The following PTK2 variants were observed in gnomAD, a reference collection of about 807,000 sequenced individuals.
PTK2 encodes the protein protein tyrosine kinase 2.
A neutral mutation model predicts 150.1 loss-of-function variants in PTK2; 45 were observed. That is an observed-to-expected ratio of 0.30 (90% CI 0.24 to 0.38). The LOEUF (loss-of-function observed/expected upper bound fraction) is 0.38, where lower values mean the gene tolerates loss of function less well. Ranked by LOEUF, PTK2 falls within the 10% of genes least tolerant of loss-of-function variation. The probability of loss-of-function intolerance (pLI) is 1.00; values close to 1 mark genes in which losing one functional copy is unlikely to be tolerated. For synonymous variants in PTK2, 432 were observed against 449.2 expected (o/e 0.96, Z 0.48); for missense variants, 919 against 1,307.3 (o/e 0.70, Z 4.58).
intron 4 of PTK2, among the ~76,000 whole-genome samples, chr8:140,877,380 A>T (rs573241821): frequency 3.3e-5 from 5 of 152,276 alleles, no homozygotes; most frequent in African/African-American, 1.2e-4. Flanking sequence ...AGAGTATTTA[A>T]GACAACATTA....
chr8:140,803,326 T>C (rs1332230078), intron 11 of PTK2, among the ~76,000 whole-genome samples: 1 of 152,128 alleles, frequency 6.6e-6, no homozygotes, highest in Non-Finnish European at 1.5e-5. Context: ...ATCATTATCT[T>C]TACAATAACG....
At chr8:140,769,535 TATCTC>T in intron 14 of PTK2, 35 bp downstream of exon 16, 1 of 1,272,654 alleles carries the variant, frequency 7.9e-7, no homozygotes, top group South Asian at 1.2e-5. Context: ...CATAAATAAT[TATCTC>T]ATAGCAGTAA....
chr8:140,689,608 T>A (rs969628698), intron 26 of PTK2, among the ~76,000 whole-genome samples: 3 of 152,236 alleles, frequency 2.0e-5, no homozygotes, highest in African/African-American at 7.2e-5. Flanking sequence ...AACATCCTTA[T>A]TTTTAGGAAA....
chr8:140,980,464 T>C (rs1221731876), intron 1 of PTK2, among the ~76,000 whole-genome samples: 1 of 151,424 alleles, frequency 6.6e-6, no homozygotes, highest in Admixed American at 6.6e-5. Context: ...CTACTAAAAA[T>C]AGAAAAAATT....
intron 26 of PTK2, among the ~76,000 whole-genome samples, chr8:140,687,576 T>G (rs2100020693): frequency 1.3e-5 from 2 of 152,210 alleles, no homozygotes; most frequent in South Asian, 4.1e-4. Context: ...CACCTGAGCC[T>G]GCCACTGAGC....
At chr8:140,791,976 T>C (rs2100088756) in intron 13 of PTK2, among the ~76,000 whole-genome samples, 1 of 152,172 alleles carries the variant, frequency 6.6e-6, no homozygotes, top group Non-Finnish European at 1.5e-5. Context: ...GTAGGTCATG[T>C]AAGATATTTA....
At chr8:140,987,686 C>T (rs1330390389) in intron 1 of PTK2, among the ~76,000 whole-genome samples, 1 of 152,180 alleles carries the variant, frequency 6.6e-6, no homozygotes, top group African/African-American at 2.4e-5. Flanking sequence ...GCAACCAGAA[C>T]TCTCATCCAC....
intron 5 of PTK2, among the ~76,000 whole-genome samples, chr8:140,858,609 G>T (rs1471641409): frequency 2.0e-5 from 3 of 151,926 alleles, no homozygotes; most frequent in Non-Finnish European, 2.9e-5. Flanking sequence ...AAGACAGTAG[G>T]AAATAACCAT....
chr8:140,937,808 T>C (rs2100174209), intron 1 of PTK2, among the ~76,000 whole-genome samples: 1 of 152,132 alleles, frequency 6.6e-6, no homozygotes, highest in Non-Finnish European at 1.5e-5. Flanking sequence ...CAGTTGGACA[T>C]AGTGGCAGTG....
At chr8:140,930,288 A>G (rs1243768173) in intron 1 of PTK2, among the ~76,000 whole-genome samples, 1 of 152,214 alleles carries the variant, frequency 6.6e-6, no homozygotes, top group Non-Finnish European at 1.5e-5. Flanking sequence ...CAAAAACAGA[A>G]ACATATCAAA....
intron 2 of PTK2, among the ~76,000 whole-genome samples, chr8:140,902,948 T>TG (rs1568519741): frequency 2.1e-5 from 3 of 143,438 alleles, no homozygotes; most frequent in Non-Finnish European, 3.1e-5. Flanking sequence ...TTTTTTTTTT[T>TG]TTTTTTTTTT....
intron 5 of PTK2, among the ~76,000 whole-genome samples, chr8:140,848,150 G>A (rs185492362): frequency 9.6e-4 from 146 of 152,284 alleles, no homozygotes; most frequent in African/African-American, 2.8e-3. Flanking sequence ...CCTAGGAAGC[G>A]CTACAATTCA....
intron 11 of PTK2, 94 bp downstream of exon 11, chr8:140,803,449 A>G (rs1381826216): frequency 2.0e-6 from 2 of 999,592 alleles, no homozygotes; most frequent in African/African-American, 3.2e-5. Flanking sequence ...CTGATGATCC[A>G]TAAAAACTTC....
intron 11 of PTK2, among the ~76,000 whole-genome samples, chr8:140,801,665 C>T (rs769453662): frequency 1.3e-5 from 2 of 152,180 alleles, no homozygotes; most frequent in African/African-American, 2.4e-5. Flanking sequence ...GTATCAGGTA[C>T]TGCTGCTGTT....
At chr8:140,761,187 T>A in exon 16 of PTK2, 1 of 1,611,078 alleles carries the variant, frequency 6.2e-7, no homozygotes, top group Non-Finnish European at 8.5e-7. Flanking sequence ...AATGCCTTGA[T>A]GTACATCTCC....
intron 26 of PTK2, among the ~76,000 whole-genome samples, chr8:140,696,318 A>T (rs1564562386): frequency 6.6e-6 from 1 of 152,220 alleles, no homozygotes; most frequent in Non-Finnish European, 1.5e-5. Flanking sequence ...TGTTGCCCTT[A>T]AGGAACTTAC....
intron 13 of PTK2, among the ~76,000 whole-genome samples, chr8:140,791,420 T>C (rs769965789): frequency 1.4e-4 from 21 of 152,214 alleles, no homozygotes; most frequent in Non-Finnish European, 2.5e-4. Context: ...TGCCCTGATA[T>C]GACCCCAAAT....
Position 140,700,710 on chromosome 8 carries a change from A to G in PTK2, c.2499+181T>C, listed in dbSNP as rs530499742. On this transcript the variant is annotated intron_variant, in intron 26 of 31. Transcript: ENST00000522684. ...AGGCTGGTCTCGAACTCCTGACCTC[A>G]GGTGATCTGCTTGCCTCAGCCTCCC... The G allele has an allele frequency of 5.6e-5, 33 of 587,408 alleles. 1 individual carries two copies. In the Admixed American group the frequency reaches 9.6e-4, roughly 17 times the overall value. The allele number at this position is 587,408 out of a possible 1,614,324, so 36.4% of individuals were successfully genotyped here. A position where few individuals can be genotyped will look rare whatever the true frequency, so the allele number is the denominator to read the frequency against.
At chr8:140,923,959 C>T (rs927967725) in intron 2 of PTK2, among the ~76,000 whole-genome samples, 1 of 152,176 alleles carries the variant, frequency 6.6e-6, no homozygotes, top group Admixed American at 6.5e-5. Context: ...TGCACTGATC[C>T]TTCCAAAACA....
Sources: gnomAD v4.1 joint callset for allele counts (sites outside exome capture counted in the v4.1 genomes callset) on GRCh38, gnomAD v4.1.1 for gene constraint, MANE v1.5 for transcripts, NCBI Gene and HGNC (gene_info 2026-07-23, HGNC 2026-07-21) for gene names.